The following SYNE1 variants were observed in gnomAD, a reference collection of about 807,000 sequenced individuals.
SYNE1 encodes the protein spectrin repeat containing nuclear envelope protein 1, also known as nesprin-1.
A neutral mutation model predicts 1,111.0 loss-of-function variants in SYNE1; 616 were observed. The ratio of observed to expected loss-of-function variants is 0.55; its 90% CI spans 0.52 to 0.59. The LOEUF (loss-of-function observed/expected upper bound fraction) is 0.59, where lower values mean the gene tolerates loss of function less well. Among genes scored for constraint, SYNE1 ranks in the 20% least tolerant of loss-of-function variants. The pLI is 0.00. For synonymous variants in SYNE1, 3,855 were observed against 3,825.8 expected, an observed-to-expected ratio of 1.01 and a Z score of -0.28; for missense variants, 10,006 against 10,417.0, an observed-to-expected ratio of 0.96 and a Z score of 1.72.
At chr6:152,528,025 G>A (rs554365895) in intron 4 of SYNE1, among the ~76,000 whole-genome samples, 1 of 152,146 alleles carries the variant, frequency 6.6e-6, no homozygotes, top group African/African-American at 2.4e-5. Flanking sequence ...CAGCCTACTG[G>A]CCCCTCTGCA....
chr6:152,555,613 T>G (rs2099362417), intron 3 of SYNE1, among the ~76,000 whole-genome samples: 1 of 152,190 alleles, frequency 6.6e-6, no homozygotes. Context: ...AATTAGTATA[T>G]GTTTAAGCAA....
chr6:152,350,969 C>T (rs531878854), intron 70 of SYNE1, among the ~76,000 whole-genome samples, 199 bp from the exon 71 acceptor site: 30 of 152,270 alleles, frequency 2.0e-4, no homozygotes, highest in African/African-American at 7.2e-4. Context: ...CAGAGTCACA[C>T]ATCAAATGGC....
chr6:152,130,131 C>T (rs547500938), intron 145 of SYNE1, among the ~76,000 whole-genome samples: 17 of 151,904 alleles, frequency 1.1e-4, no homozygotes, highest in African/African-American at 3.1e-4. Context: ...GCCAAGTGCC[C>T]GGAAAGTGAG....
intron 3 of SYNE1, among the ~76,000 whole-genome samples, chr6:152,581,625 C>G (rs148958989): frequency 8.5e-5 from 13 of 152,274 alleles, no homozygotes; most frequent in African/African-American, 3.1e-4. Context: ...TTGTCCTGTC[C>G]TCAGACCTCC....
intron 31 of SYNE1, 43 bp downstream of exon 31, chr6:152,442,032 T>G (rs1296972411): frequency 1.9e-6 from 3 of 1,612,026 alleles, no homozygotes; most frequent in Non-Finnish European, 2.5e-6. Context: ...AAGTGAACAC[T>G]GCCCAGCCTC....
At position 152,180,445 on chromosome 6, in the gene SYNE1, T is replaced by C. The variant is rs1449118372; in HGVS notation, c.23302-151A>G. 1.3e-5 allele frequency: 10 copies of C among 752,754 alleles called. No individual in the cohort carries two copies. The East Asian group carries it at 2.7e-4, about 20-fold the overall frequency. The allele number at this position is 752,754 out of a possible 1,614,324, so 46.6% of individuals were successfully genotyped here. ...TCCTGAAGTCTAGGATTTGCTATTA[T>C]AAAGTGGGAGACATTGAATCCTCTA... On this transcript the variant is annotated intron_variant, in intron 128 of 145. Coordinates refer to ENST00000367255, the MANE Select transcript of SYNE1 (RefSeq NM_182961.4).
At chr6:152,454,736 T>C (rs1047356326) in intron 24 of SYNE1, among the ~76,000 whole-genome samples, 4 of 152,238 alleles carry the variant, frequency 2.6e-5, no homozygotes, top group African/African-American at 9.6e-5. Flanking sequence ...TGAGATATTT[T>C]GTGTTTTGTG....
chr6:152,214,141 C>A (rs572073051), intron 122 of SYNE1, among the ~76,000 whole-genome samples: 3 of 146,644 alleles, frequency 2.0e-5, no homozygotes, highest in Non-Finnish European at 4.5e-5. Context: ...TGCAGTGAGC[C>A]GAGATTGTGC....
rs117888514 is a variant in SYNE1 at position 152,393,703 on chromosome 6, C to T, written c.7712+1813G>A. Among the ~76,000 whole-genome samples, 479 of 152,158 alleles carry T rather than the reference C, an allele frequency of 3.1e-3. 2 individuals carry two copies. Among genetic ancestry groups the T allele is most frequent in the East Asian group, 0.017 (88 of 5,182 alleles). On this transcript the variant is annotated intron_variant, in intron 51 of 145. Coordinates refer to ENST00000367255, the MANE Select transcript of SYNE1 (RefSeq NM_182961.4). ...TAGCATACCAACAAGTAGTTATCAG[C>T]ATGGGTTCTTTTGTGCATTTGTTTG...
At chr6:152,353,190 G>T (rs1458643198) in intron 69 of SYNE1, 73 bp downstream of exon 69, 12 of 1,553,976 alleles carry the variant, frequency 7.7e-6, no homozygotes, top group Non-Finnish European at 1.1e-5. Flanking sequence ...TGTGTTTCCA[G>T]TATCTATGCA....
At chr6:152,255,526 A>G (rs1335902174) in intron 103 of SYNE1, 65 bp downstream of exon 103, 1 of 1,553,494 alleles carries the variant, frequency 6.4e-7, no homozygotes, top group African/African-American at 1.4e-5. Context: ...AAAATTAATT[A>G]TCCCATCAAA....
At chr6:152,543,317 G>C (rs1218620124) in intron 3 of SYNE1, among the ~76,000 whole-genome samples, 1 of 152,072 alleles carries the variant, frequency 6.6e-6, no homozygotes, top group Admixed American at 6.6e-5. Context: ...ATCAAACGTA[G>C]TCAGCTGAAT....
chr6:152,160,570 T>C (rs972013575), intron 131 of SYNE1, among the ~76,000 whole-genome samples: 8 of 152,290 alleles, frequency 5.3e-5, no homozygotes, highest in African/African-American at 7.2e-5. Context: ...ATATATAGCA[T>C]AGTAGTACGT....
chr6:152,172,184 G>C (rs2065382151), intron 130 of SYNE1, among the ~76,000 whole-genome samples: 1 of 152,184 alleles, frequency 6.6e-6, no homozygotes, highest in Admixed American at 6.5e-5. Context: ...GAAGGAAGAG[G>C]AGGGAAGAAA....
intron 2 of SYNE1, among the ~76,000 whole-genome samples, chr6:152,629,569 T>G: frequency 8.0e-6 from 1 of 124,240 alleles, no homozygotes; most frequent in Admixed American, 9.2e-5. Flanking sequence ...GCAGTGGGCT[T>G]TGGGAAGAGG....
At chr6:152,150,560 G>A (rs541526256) in intron 135 of SYNE1, among the ~76,000 whole-genome samples, 164 of 152,236 alleles carry the variant, frequency 1.1e-3, no homozygotes, top group African/African-American at 3.7e-3. Context: ...CAAGTTCCTT[G>A]TTTTATCATA....
intron 76 of SYNE1, 175 bp downstream of exon 76, chr6:152,336,666 A>C (rs990337035): frequency 2.4e-6 from 2 of 817,582 alleles, no homozygotes; most frequent in African/African-American, 3.4e-5. Flanking sequence ...CTAACAGGAC[A>C]TGGACTTGTG....
intron 126 of SYNE1, among the ~76,000 whole-genome samples, chr6:152,205,584 T>A (rs926678952): frequency 2.6e-5 from 4 of 152,212 alleles, no homozygotes; most frequent in Non-Finnish European, 5.9e-5. Context: ...ATACATGCAA[T>A]TGAAGAGTGA....
intron 126 of SYNE1, among the ~76,000 whole-genome samples, chr6:152,203,267 A>T (rs1049368952): frequency 1.3e-5 from 2 of 152,222 alleles, no homozygotes; most frequent in Admixed American, 6.5e-5. Flanking sequence ...GTAGAATTTT[A>T]AAAAATGACA....
Sources: gnomAD v4.1 joint callset for allele counts (sites outside exome capture counted in the v4.1 genomes callset) on GRCh38, gnomAD v4.1.1 for gene constraint, MANE v1.5 for transcripts, NCBI Gene and HGNC (gene_info 2026-07-23, HGNC 2026-07-21) for gene names.